The following CAPZA2 variants were observed in gnomAD, a reference collection of about 807,000 sequenced individuals.
CAPZA2 encodes the protein capping actin protein of muscle Z-line subunit alpha 2, also known as F-actin-capping protein subunit alpha-2.
Under a neutral mutation model 44.0 loss-of-function variants are expected in CAPZA2, and 13 were observed. The observed-to-expected ratio is 0.30, with a 90% CI of 0.19 to 0.47. CAPZA2 has a LOEUF of 0.47. CAPZA2 is among the 20% of genes least tolerant of loss of function. The pLI is 1.00. For missense variants in CAPZA2, 244 were observed against 338.6 expected (o/e 0.72, Z 2.19); for synonymous variants, 94 against 108.2 (o/e 0.87, Z 0.81).
rs905591137 is a variant in CAPZA2 at position 116,919,020 on chromosome 7, A to T, written c.*1153A>T. 2 of 151,972 alleles carry T rather than the reference A, an allele frequency of 1.3e-5. No homozygotes were observed. Among genetic ancestry groups the T allele is most frequent in the Non-Finnish European group, 2.9e-5 (2 of 67,986 alleles). The allele number at this position is 151,972 out of a possible 1,614,324, so 9.4% of individuals were successfully genotyped here. A position where few individuals can be genotyped will look rare whatever the true frequency, so the allele number is the denominator to read the frequency against. ...CATTCAATAGAGTATTGCTGATTAT[A>T]CTTGAGTGGAATCCTTTCCTCACGT... On this transcript the variant is annotated 3_prime_UTR_variant, in exon 10 of 10. Transcript: ENST00000361183.
chr7:116,916,642 G>C (rs1249729753), intron 9 of CAPZA2, among the ~76,000 whole-genome samples: 1 of 152,016 alleles, frequency 6.6e-6, no homozygotes, highest in Non-Finnish European at 1.5e-5. Context: ...AAAAAGACTA[G>C]GTTTTGGCCA....
intron 3 of CAPZA2, among the ~76,000 whole-genome samples, chr7:116,898,391 A>G (rs933668954): frequency 2.0e-5 from 3 of 151,896 alleles, no homozygotes; most frequent in Non-Finnish European, 4.4e-5. Context: ...TTGATCAGAG[A>G]ATGTATCTAA....
At chr7:116,869,338 A>G (rs766974977) in intron 1 of CAPZA2, among the ~76,000 whole-genome samples, 1 of 152,222 alleles carries the variant, frequency 6.6e-6, no homozygotes, top group Non-Finnish European at 1.5e-5. Context: ...TCTTGCTCTT[A>G]TGACATATTT....
At chr7:116,895,396 A>G (rs928405946) in intron 3 of CAPZA2, among the ~76,000 whole-genome samples, 1 of 152,142 alleles carries the variant, frequency 6.6e-6, no homozygotes, top group Non-Finnish European at 1.5e-5. Context: ...TAAATAAATT[A>G]TATTTGTTGT....
At chr7:116,865,958 T>TATTAA (rs879409006) in intron 1 of CAPZA2, among the ~76,000 whole-genome samples, 1 of 152,240 alleles carries the variant, frequency 6.6e-6, no homozygotes, top group Non-Finnish European at 1.5e-5. Context: ...TAAAGCTTAT[T>TATTAA]ATTAACACAT....
chr7:116,901,882 TGTG>T (rs1178694089), intron 4 of CAPZA2, among the ~76,000 whole-genome samples: 2 of 15,682 alleles, frequency 1.3e-4, no homozygotes, highest in African/African-American at 2.6e-4. Context: ...AACGAAGAAA[TGTG>T]TGTGTGTGTG....
At chr7:116,911,553 T>C (rs1351519767) in intron 7 of CAPZA2, among the ~76,000 whole-genome samples, 2 of 152,206 alleles carry the variant, frequency 1.3e-5, no homozygotes, top group African/African-American at 4.8e-5. Context: ...AGAGTACTGC[T>C]AACATACTTT....
intron 3 of CAPZA2, among the ~76,000 whole-genome samples, chr7:116,893,526 A>C (rs1401425585): frequency 6.6e-6 from 1 of 152,208 alleles, no homozygotes; most frequent in Non-Finnish European, 1.5e-5. Flanking sequence ...TAGGAGAAAA[A>C]TATTTTTTAT....
At position 116,920,993 on chromosome 7, in the gene CAPZA2, G is replaced by C. The variant is rs995357769; in HGVS notation, c.*3126G>C. On this transcript the variant is annotated 3_prime_UTR_variant, in exon 10 of 10. Coordinates refer to ENST00000361183, the MANE Select transcript of CAPZA2 (RefSeq NM_006136.3). ...TGTGGAATTTCAGCTGGGTAAGCAG[G>C]GAAGTGAGGGCTTGAGACGGGGGGA... The C allele has an allele frequency of 6.6e-6, 1 of 152,398 alleles. No individual in the cohort carries two copies. The highest frequency in any genetic ancestry group is 2.4e-5 in the African/African-American group (1 of 41,442). The allele number at this position is 152,398 out of a possible 1,614,324, so 9.4% of individuals were successfully genotyped here.
intron 3 of CAPZA2, among the ~76,000 whole-genome samples, chr7:116,893,775 A>G (rs1375248161): frequency 1.3e-5 from 2 of 152,202 alleles, no homozygotes; most frequent in Non-Finnish European, 2.9e-5. Context: ...CCTGACACAT[A>G]CATGTACACT....
intron 1 of CAPZA2, among the ~76,000 whole-genome samples, chr7:116,871,332 G>T (rs543265490): frequency 6.6e-5 from 10 of 152,176 alleles, no homozygotes; most frequent in Admixed American, 5.9e-4. Flanking sequence ...AGATTAAGGA[G>T]TATGAGATTG....
intron 3 of CAPZA2, among the ~76,000 whole-genome samples, chr7:116,896,687 C>T (rs186365162): frequency 3.5e-4 from 53 of 152,084 alleles, no homozygotes; most frequent in Non-Finnish European, 6.8e-4. Context: ...ATTGATTGGG[C>T]GACAGAATTC....
chr7:116,906,861 C>G (rs770836223), intron 6 of CAPZA2: 2 of 152,314 alleles, frequency 1.3e-5, no homozygotes, highest in Non-Finnish European at 2.9e-5. Flanking sequence ...TTATAAACTT[C>G]AAGCCCTCAG....
chr7:116,918,145 G>C lies in CAPZA2; in HGVS notation c.*278G>C. 1 of 259,994 alleles carries C rather than the reference G, an allele frequency of 3.8e-6. No homozygotes were observed. The highest frequency in any genetic ancestry group is 7.2e-5 in the East Asian group (1 of 13,860). 16.1% of individuals were successfully genotyped at this position (259,994 alleles called of 1,614,324 possible). On this transcript the variant is annotated 3_prime_UTR_variant, in exon 10 of 10. Coordinates refer to ENST00000361183, the MANE Select transcript of CAPZA2 (RefSeq NM_006136.3). ...TGATTCTTCTAGTTTATGGTTAAAA[G>C]TTTTTGAAGTGTCTCAAAAATATTT...
At chr7:116,893,099 A>G in intron 3 of CAPZA2, 54 bp downstream of exon 3, 1 of 1,202,198 alleles carries the variant, frequency 8.3e-7, no homozygotes, top group Non-Finnish European at 1.2e-6. Context: ...AAAACGAGAG[A>G]TGCTTTAAAA....
Position 116,867,422 on chromosome 7 carries a change from C to T in CAPZA2, c.39+4772C>T, listed in dbSNP as rs955741068. Among the ~76,000 whole-genome samples the T allele has an allele frequency of 3.9e-5, 6 of 152,190 alleles. 1 individual carries two copies. The highest frequency in any genetic ancestry group is 3.3e-4 in the Admixed American group (5 of 15,280). On this transcript the variant is annotated intron_variant, in intron 1 of 9. Coordinates refer to ENST00000361183, the MANE Select transcript of CAPZA2 (RefSeq NM_006136.3). ...TCAAAATTTTAGTGCCTGGATCCTC[C>T]ATTGCCTTTACAAGGAAGCCAAGTT...
intron 3 of CAPZA2, 23 bp downstream of exon 3, chr7:116,893,068 A>G (rs1397722620): frequency 6.8e-7 from 1 of 1,479,390 alleles, no homozygotes; most frequent in African/African-American, 1.4e-5. Flanking sequence ...TATCATACTA[A>G]CCTAACTAAA....
At position 116,881,566 on chromosome 7, in the gene CAPZA2, C is replaced by T. The variant is rs530404025; in HGVS notation, c.40-6561C>T. On this transcript the variant is annotated intron_variant, in intron 1 of 9. Coordinates refer to ENST00000361183, the MANE Select transcript of CAPZA2 (RefSeq NM_006136.3). ...CATCCTGGCTAACACGGTGAAACCCCGTCTCTACTAAAAATACAAAAAATT... is the reference window on the plus strand; with the variant it reads ...CATCCTGGCTAACACGGTGAAACCCTGTCTCTACTAAAAATACAAAAAATT... Among the ~76,000 whole-genome samples the T allele has an allele frequency of 1.7e-3, 256 of 151,722 alleles. 1 individual carries two copies. The highest frequency in any genetic ancestry group is 3.0e-3 in the Non-Finnish European group (202 of 67,894).
In CAPZA2 at chr7:116,904,380, C is replaced by T; in HGVS notation, c.423C>T (p.Cys141=). 4.4e-6 allele frequency: 7 copies of T among 1,597,416 alleles called. No homozygotes were observed. The African/African-American group carries it at 5.4e-5, about 12-fold the overall frequency. ...AAGAACATTACCCGAATGGAGTCTG[C>T]ACTGTAAGTCATCAGTAGCAGCTTT... ...YVKEHYPNGV[C]TVYGKKIDGQ... Residue 141 remains cysteine (C), a synonymous_variant, in exon 5 of 10, where the codon TGC becomes TGT. Coordinates refer to ENST00000361183, the MANE Select transcript of CAPZA2 (RefSeq NM_006136.3).
Sources: allele counts gnomAD v4.1 joint callset (sites outside exome capture counted in the v4.1 genomes callset), GRCh38; gene constraint gnomAD v4.1.1; transcripts MANE v1.5; gene names NCBI Gene and HGNC (gene_info 2026-07-23, HGNC 2026-07-21).